CCDC171: variants seen among roughly 807,000 people sequenced by gnomAD.
CCDC171 encodes coiled-coil domain containing 171, also known as coiled-coil domain-containing protein 171.
A neutral mutation model predicts 168.2 loss-of-function variants in CCDC171; 177 were observed. The ratio of observed to expected loss-of-function variants is 1.05; its 90% CI spans 0.93 to 1.19. The LOEUF is 1.19. Ranked by LOEUF, CCDC171 falls within the 50% of genes most tolerant of loss-of-function variation. The probability of loss-of-function intolerance (pLI) is 0.00; values close to 1 mark genes in which losing one functional copy is unlikely to be tolerated. For missense variants in CCDC171, 1,991 were observed against 1,539.0 expected, an observed-to-expected ratio of 1.29 and a Z score of -4.91; for synonymous variants, 687 against 540.8, an observed-to-expected ratio of 1.27 and a Z score of -3.75.
At chr9:15,707,058 T>G (rs763864195) in intron 11 of CCDC171, among the ~76,000 whole-genome samples, 26 of 152,184 alleles carry the variant, frequency 1.7e-4, no homozygotes, top group Non-Finnish European at 3.8e-4. Flanking sequence ...ACCTTGTAGC[T>G]GGTATCTTTT....
chr9:15,630,953 A>G (rs1405024123), intron 7 of CCDC171, among the ~76,000 whole-genome samples: 2 of 152,226 alleles, frequency 1.3e-5, no homozygotes, highest in East Asian at 1.9e-4. Flanking sequence ...GACAGAAATA[A>G]AGATGTTCTT....
At chr9:16,079,816 G>A in the CCDC171 span, among the ~76,000 whole-genome samples, 1 of 152,288 alleles carries the variant, frequency 6.6e-6, no homozygotes, top group East Asian at 1.9e-4. Context: ...CTTACACAAT[G>A]CTTACAATTT....
intron 6 of CCDC171, among the ~76,000 whole-genome samples, chr9:16,024,903 T>C (rs1261291995): frequency 6.6e-6 from 1 of 152,200 alleles, no homozygotes. Flanking sequence ...TAACCAATCA[T>C]CTCAGATGCC....
chr9:15,952,882 A>G (rs985604034), intron 25 of CCDC171, among the ~76,000 whole-genome samples: 4 of 152,172 alleles, frequency 2.6e-5, no homozygotes, highest in African/African-American at 9.7e-5. Flanking sequence ...TATCCATTAT[A>G]CAAATGTTTC....
chr9:15,606,555 G>C (rs1427969699), intron 6 of CCDC171, among the ~76,000 whole-genome samples: 1 of 152,158 alleles, frequency 6.6e-6, no homozygotes, highest in African/African-American at 2.4e-5. Flanking sequence ...TAAGGTTGTA[G>C]TTAGCTATAT....
intron 3 of CCDC171, among the ~76,000 whole-genome samples, chr9:15,576,587 GTGTT>G (rs1479991091): frequency 6.6e-6 from 1 of 152,298 alleles, no homozygotes; most frequent in East Asian, 1.9e-4. Flanking sequence ...GTGTTCTTAA[GTGTT>G]TGTATTATGC....
chr9:15,735,386 T>A (rs895096747), intron 16 of CCDC171, among the ~76,000 whole-genome samples: 2 of 152,226 alleles, frequency 1.3e-5, no homozygotes, highest in Non-Finnish European at 2.9e-5. Context: ...TTCTTTTCTA[T>A]TTGAAAAAGA....
At chr9:16,100,700 G>A in the CCDC171 span, among the ~76,000 whole-genome samples, 1 of 152,180 alleles carries the variant, frequency 6.6e-6, no homozygotes, top group Non-Finnish European at 1.5e-5. Flanking sequence ...TGCTGGCAAG[G>A]GTTGGAAGCA....
downstream of CCDC171, among the ~76,000 whole-genome samples, chr9:16,065,949 C>T (rs564548795): frequency 2.0e-5 from 3 of 152,150 alleles, no homozygotes; most frequent in Admixed American, 2.0e-4. Flanking sequence ...AAAGCTGGTT[C>T]AGACAGTGCA....
intron 25 of CCDC171, among the ~76,000 whole-genome samples, chr9:15,941,541 G>T (rs1213558598): frequency 5.9e-5 from 9 of 151,970 alleles, no homozygotes; most frequent in Admixed American, 5.9e-4. Context: ...GTCTTCAACA[G>T]ATCCACAAGT....
In CCDC171 at chr9:15,819,995, A is replaced by G. The variant is rs1485272130; in HGVS notation, c.3268-26707A>G. 1.0e-4 allele frequency among the ~76,000 whole-genome samples: 12 copies of G among 117,334 alleles called. 2 individuals are homozygous for G. The highest frequency in any genetic ancestry group is 9.6e-4 in the Admixed American group (12 of 12,458). The allele number at this position is 117,334 out of a possible 152,430, so 77.0% of individuals were successfully genotyped here. A position where few individuals can be genotyped will look rare whatever the true frequency, so the allele number is the denominator to read the frequency against. On this transcript the variant is annotated intron_variant, in intron 21 of 25. Coordinates refer to ENST00000380701, the MANE Select transcript of CCDC171 (RefSeq NM_173550.4). ...CAGAAATTATAACAAACTGTGTCTC[A>G]GACCACAGTGCAATCAAACTAGAAC...
At chr9:15,849,029 T>C in intron 23 of CCDC171, 82 bp downstream of exon 23, 1 of 692,810 alleles carries the variant, frequency 1.4e-6, no homozygotes, top group Non-Finnish European at 2.3e-6. Flanking sequence ...AGTACTTTCA[T>C]TGATTTTGAA....
intron 11 of CCDC171, among the ~76,000 whole-genome samples, chr9:15,714,346 C>G (rs561656076): frequency 1.3e-5 from 2 of 152,288 alleles, no homozygotes; most frequent in South Asian, 4.1e-4. Context: ...ACTGTGGACA[C>G]TGTGCCAGTT....
the CCDC171 span, among the ~76,000 whole-genome samples, chr9:16,094,920 C>T: frequency 2.0e-5 from 3 of 152,082 alleles, no homozygotes; most frequent in Non-Finnish European, 2.9e-5. Context: ...CAGATTTCCC[C>T]GTTGCTGTCT....
intron 21 of CCDC171, among the ~76,000 whole-genome samples, chr9:15,801,955 C>A (rs2058848035): frequency 6.6e-6 from 1 of 151,992 alleles, no homozygotes; most frequent in Non-Finnish European, 1.5e-5. Context: ...TCCTTGCATC[C>A]CTGGGATAAA....
chr9:15,566,852 G>A (rs1374910782), intron 2 of CCDC171, among the ~76,000 whole-genome samples: 1 of 152,078 alleles, frequency 6.6e-6, no homozygotes, highest in Non-Finnish European at 1.5e-5. Context: ...TTTGTACGAG[G>A]TAAGGGTCTA....
At chr9:15,810,591 G>C (rs1023239228) in intron 21 of CCDC171, among the ~76,000 whole-genome samples, 4 of 152,170 alleles carry the variant, frequency 2.6e-5, no homozygotes, top group Admixed American at 2.0e-4. Context: ...AGCACGGTGC[G>C]GGCGGGCCGG....
intron 1 of CCDC171, among the ~76,000 whole-genome samples, chr9:16,049,399 T>C (rs1232851691): frequency 6.6e-6 from 1 of 152,176 alleles, no homozygotes; most frequent in African/African-American, 2.4e-5. Flanking sequence ...CAGAGATTAG[T>C]GTGTGAGTCT....
At chr9:15,721,736 A>G in intron 11 of CCDC171, 33 bp from the exon 12 acceptor site, 1 of 1,265,270 alleles carries the variant, frequency 7.9e-7, no homozygotes. Context: ...TTGTGACTTT[A>G]AGGGTATATT....
Sources: allele counts gnomAD v4.1 joint callset (sites outside exome capture counted in the v4.1 genomes callset), GRCh38; gene constraint gnomAD v4.1.1; transcripts MANE v1.5; gene names NCBI Gene and HGNC (gene_info 2026-07-23, HGNC 2026-07-21).